Variants in DAB1 observed in about 807,000 individuals in gnomAD.
The protein encoded by DAB1 is disabled homolog 1.
DAB1 carries 15 observed loss-of-function variants against 64.6 expected under a neutral mutation model. The ratio of observed to expected loss-of-function variants is 0.23; its 90% CI spans 0.16 to 0.36. The LOEUF is 0.36. Among genes scored for constraint, DAB1 ranks in the 10% least tolerant of loss-of-function variants. DAB1 has a pLI of 1.00. For synonymous variants in DAB1, 235 were observed against 251.9 expected, an observed-to-expected ratio of 0.93 and a Z score of 0.64; for missense variants, 596 against 706.7, an observed-to-expected ratio of 0.84 and a Z score of 1.78.
chr1:57,427,744 T>C (rs191214593), upstream of DAB1, among the ~76,000 whole-genome samples: 29 of 152,336 alleles, frequency 1.9e-4, no homozygotes, highest in Admixed American at 1.6e-3. Context: ...ATTGTATATA[T>C]TTAAGATGTA....
At chr1:57,857,263 A>C (rs901128799) in intron 1 of DAB1, among the ~76,000 whole-genome samples, 20 of 152,218 alleles carry the variant, frequency 1.3e-4, no homozygotes, top group African/African-American at 4.6e-4. Flanking sequence ...CTGAGAAAAA[A>C]GTGCTAGATT....
intron 1 of DAB1, among the ~76,000 whole-genome samples, chr1:57,320,081 T>A (rs993717943): frequency 1.3e-5 from 2 of 152,190 alleles, no homozygotes; most frequent in Non-Finnish European, 2.9e-5. Flanking sequence ...GCTTTATTCC[T>A]TAAGTACTGT....
intron 2 of DAB1, 44 bp from the exon 3 acceptor site, chr1:57,145,473 C>G (rs752745854): frequency 1.2e-6 from 2 of 1,602,924 alleles, no homozygotes; most frequent in East Asian, 4.5e-5. Flanking sequence ...CTGTGCAGAC[C>G]CCAGTGGCTT....
chr1:58,429,836 A>AGTGTAGATTATAAATT (rs74310765), intron 3 of DAB1, among the ~76,000 whole-genome samples: 31,158 of 152,010 alleles, frequency 0.2, 3,587 homozygotes, highest in Middle Eastern at 0.28. Context: ...ATAACAAAAC[A>AGTGTAGATTATAAATT]GTGTAGATTA....
chr1:57,070,744 G>A, intron 7 of DAB1: 2 of 448,978 alleles, frequency 4.5e-6, no homozygotes, highest in Non-Finnish European at 8.3e-6. Flanking sequence ...AAAACATTCA[G>A]CTCTGGGATC....
At chr1:58,541,281 G>A (rs1162636589) in intron 1 of DAB1, among the ~76,000 whole-genome samples, 1 of 87,034 alleles carries the variant, frequency 1.1e-5, no homozygotes, top group Non-Finnish European at 2.1e-5. Flanking sequence ...GCAACAGAGT[G>A]AGACTCTGTC....
At chr1:57,823,512 A>G (rs1332852678), downstream of DAB1, among the ~76,000 whole-genome samples, 1 of 152,080 alleles carries the variant, frequency 6.6e-6, no homozygotes, top group Non-Finnish European at 1.5e-5. Flanking sequence ...TGTGGAGTAC[A>G]GGAGAAAAAA....
chr1:57,239,181 C>T (rs540249647), intron 2 of DAB1, among the ~76,000 whole-genome samples: 147 of 152,242 alleles, frequency 9.7e-4, no homozygotes, highest in African/African-American at 3.0e-3. Context: ...CTATCAGGCC[C>T]CTTGTTGTCA....
In DAB1 at chr1:57,150,125, C is replaced by T. The variant is rs148028594; in HGVS notation, c.68-4696G>A. 1.8e-3 allele frequency among the ~76,000 whole-genome samples: 277 copies of T among 152,262 alleles called. 1 individual carries two copies. Among genetic ancestry groups the T allele is most frequent in the African/African-American group, 6.5e-3 (269 of 41,544 alleles). The stretch of plus-strand genomic sequence containing the variant: ...TGACCTACCTCCTTAGTTGTATAAT[C>T]GTTGGTAAGTTCCTTTACATGTCTG... On this transcript the variant is annotated intron_variant, in intron 2 of 14. Transcript: ENST00000371236.
chr1:58,346,144 G>A (rs928327751), intron 3 of DAB1, among the ~76,000 whole-genome samples: 2 of 152,224 alleles, frequency 1.3e-5, no homozygotes, highest in African/African-American at 4.8e-5. Context: ...AGATACGGCA[G>A]TCCGGCCCAT....
chr1:58,293,417 C>T lies in DAB1; in HGVS notation n.309+49935G>A, dbSNP rs151319807. On this transcript the variant is annotated intron_variant and non_coding_transcript_variant, in intron 4 of 20. Transcript: ENST00000485760. ...AATGCTCAGCAGAGCCAAAAAATAT[C>T]AAAATAAAAAATATACCTTCCTAGA... is the stretch of plus-strand genomic sequence containing the variant. Among the ~76,000 whole-genome samples, 391 of 152,162 alleles carry T rather than the reference C, an allele frequency of 2.6e-3. 1 individual carries two copies. Among genetic ancestry groups the T allele is most frequent in the African/African-American group, 8.8e-3 (366 of 41,522 alleles).
chr1:57,872,255 G>A (rs1442721072), intron 1 of DAB1, among the ~76,000 whole-genome samples: 2 of 152,162 alleles, frequency 1.3e-5, no homozygotes, highest in Admixed American at 1.3e-4. Context: ...ATGGTATTAA[G>A]AGGCAGGGAC....
chr1:57,552,199 T>C (rs1209782794), intron 7 of DAB1, among the ~76,000 whole-genome samples: 1 of 152,224 alleles, frequency 6.6e-6, no homozygotes, highest in Non-Finnish European at 1.5e-5. Flanking sequence ...CTTCAGACCC[T>C]ACTGAAGTTC....
intron 7 of DAB1, among the ~76,000 whole-genome samples, chr1:57,587,755 G>A (rs1417759): frequency 0.69 from 105,071 of 152,080 alleles, 36,533 homozygotes; most frequent in South Asian, 0.77. Flanking sequence ...TCAGAGCAGT[G>A]AAGAGACTTG....
intron 9 of DAB1, among the ~76,000 whole-genome samples, chr1:57,056,617 C>T (rs916589173): frequency 2.0e-5 from 3 of 151,908 alleles, no homozygotes; most frequent in African/African-American, 4.8e-5. Flanking sequence ...GTAATCCCAG[C>T]ACTTTGGGAG....
intron 2 of DAB1, among the ~76,000 whole-genome samples, chr1:57,248,066 G>A (rs888848358): frequency 6.6e-6 from 1 of 152,136 alleles, no homozygotes; most frequent in African/African-American, 2.4e-5. Flanking sequence ...CAAAACAAGA[G>A]GATGCTCAAG....
At chr1:58,180,155 C>CA (rs1341566892) in intron 4 of DAB1, among the ~76,000 whole-genome samples, 2 of 150,280 alleles carry the variant, frequency 1.3e-5, no homozygotes, top group Non-Finnish European at 1.5e-5. Context: ...CCACAGATAA[C>CA]AAAAAACAAC....
intron 1 of DAB1, among the ~76,000 whole-genome samples, chr1:57,324,791 C>T (rs1300386624): frequency 6.6e-6 from 1 of 152,126 alleles, no homozygotes; most frequent in Non-Finnish European, 1.5e-5. Context: ...TAGCACTCTC[C>T]ATTTCTTCTT....
At chr1:57,526,037 A>C (rs1644589424) in intron 7 of DAB1, among the ~76,000 whole-genome samples, 1 of 151,132 alleles carries the variant, frequency 6.6e-6, no homozygotes, top group South Asian at 2.1e-4. Context: ...TCCTGGGTTC[A>C]AGCAATTCTC....
Sources: gnomAD v4.1 joint callset for allele counts (sites outside exome capture counted in the v4.1 genomes callset) on GRCh38, gnomAD v4.1.1 for gene constraint, MANE v1.5 for transcripts, NCBI Gene and HGNC (gene_info 2026-07-23, HGNC 2026-07-21) for gene names.